Variants in DLG5 observed in about 807,000 individuals in gnomAD.
The protein encoded by DLG5 is disks large homolog 5.
Under a neutral mutation model 189.8 loss-of-function variants are expected in DLG5, and 48 were observed. That is an observed-to-expected ratio of 0.25 (90% CI 0.20 to 0.32). The LOEUF (loss-of-function observed/expected upper bound fraction) is 0.32, where lower values mean the gene tolerates loss of function less well. DLG5 is among the 10% of genes least tolerant of loss of function. The probability of loss-of-function intolerance (pLI) is 1.00; values close to 1 mark genes in which losing one functional copy is unlikely to be tolerated. For synonymous variants in DLG5, 1,016 were observed against 1,054.1 expected (o/e 0.96, Z 0.70); for missense variants, 2,160 against 2,544.7 (o/e 0.85, Z 3.25).
intron 1 of DLG5, chr10:77,912,182 C>T (rs962513386): frequency 5.9e-5 from 8 of 135,020 alleles, no homozygotes; most frequent in African/African-American, 2.0e-4. Context: ...ACAGCATGGG[C>T]AACAGGGTAA....
At chr10:77,868,584 G>C in intron 2 of DLG5, 3 of 239,676 alleles carry the variant, frequency 1.3e-5, no homozygotes, top group Non-Finnish European at 2.5e-5. Context: ...ATCATGGTCA[G>C]ATCAGGCCAT....
At chr10:77,854,552 T>C (rs888164790) in intron 3 of DLG5, among the ~76,000 whole-genome samples, 182 bp from the exon 4 acceptor site, 2 of 152,114 alleles carry the variant, frequency 1.3e-5, no homozygotes. Flanking sequence ...AGAATCAGAA[T>C]CCCTAGGATG....
At chr10:77,801,457 G>A (rs1221560730) in intron 27 of DLG5, among the ~76,000 whole-genome samples, 1 of 152,172 alleles carries the variant, frequency 6.6e-6, no homozygotes, top group African/African-American at 2.4e-5. Context: ...CAGAAGACAG[G>A]AGACAGACAG....
chr10:77,808,108 C>T, intron 24 of DLG5, 164 bp from the exon 25 acceptor site: 1 of 866,432 alleles, frequency 1.2e-6, no homozygotes, highest in African/African-American at 1.7e-5. Flanking sequence ...TCATGGTCTC[C>T]CCAGTCTCCA....
At position 77,796,665 on chromosome 10, in the gene DLG5, C is replaced by T; in HGVS notation, c.5165-71G>A. ...AGGACCTGAGTGGGGCTGGGGAACC[C>T]CGCTCCCTGACCTCGCCCACTCTGG... is the stretch of plus-strand genomic sequence containing the variant. On this transcript the variant is annotated intron_variant, in intron 27 of 31. Coordinates refer to ENST00000372391, the MANE Select transcript of DLG5 (RefSeq NM_004747.4). This position sits in a 1 kb window ranked among gnomAD's most constrained non-coding sequence, Gnocchi z 5.2. The T allele has an allele frequency of 6.3e-7, 1 of 1,591,214 alleles. No homozygotes were observed. Among genetic ancestry groups the T allele is most frequent in the Non-Finnish European group, 8.6e-7 (1 of 1,164,632 alleles).
intron 27 of DLG5, among the ~76,000 whole-genome samples, chr10:77,801,715 G>A (rs1015280310): frequency 1.3e-5 from 2 of 152,234 alleles, no homozygotes; most frequent in Non-Finnish European, 2.9e-5. Context: ...TCATGGTGGT[G>A]GACGGGTGGT....
At chr10:77,876,066 T>G (rs913012113) in intron 1 of DLG5, among the ~76,000 whole-genome samples, 15 of 152,062 alleles carry the variant, frequency 9.9e-5, no homozygotes, top group Non-Finnish European at 1.9e-4. Context: ...GGTGGGAAAA[T>G]CCTACTCTTG....
Position 77,792,232 on chromosome 10 carries a change from T to C in DLG5, c.*208A>G. Reference sequence around the variant, plus strand: ...TCTGTTTTGTGTTAAAGCACACGTGTGACACGGGCAGAGTGTGTGGGCCTG... The same window carrying C: ...TCTGTTTTGTGTTAAAGCACACGTGCGACACGGGCAGAGTGTGTGGGCCTG... On this transcript the variant is annotated 3_prime_UTR_variant, in exon 32 of 32. Transcript: ENST00000372391. 1.7e-6 allele frequency: 1 copy of C among 599,948 alleles called. No homozygotes were observed. The highest frequency in any genetic ancestry group is 3.0e-6 in the Non-Finnish European group (1 of 337,504). 37.2% of individuals were successfully genotyped at this position (599,948 alleles called of 1,614,324 possible).
chr10:77,903,718 C>G (rs1366276927), intron 1 of DLG5, among the ~76,000 whole-genome samples: 1 of 151,966 alleles, frequency 6.6e-6, no homozygotes, highest in East Asian at 1.9e-4. Context: ...GACTTCGGTC[C>G]CATCCCCAGG....
chr10:77,805,811 T>A lies in DLG5; in HGVS notation c.5018A>T (p.Asp1673Val). 6.2e-7 allele frequency: 1 copy of A among 1,614,134 alleles called. No individual in the cohort carries two copies. Among genetic ancestry groups the A allele is most frequent in the Non-Finnish European group, 8.5e-7 (1 of 1,179,996 alleles). Residue 1673 changes from aspartate to valine, a missense_variant, in exon 27 of 32, where the codon GAC becomes GTC. Asp to Val is a radical substitution (Grantham distance 152). Around this residue, in one of 5 missense-constraint regions of DLG5, gnomAD observed 574 missense variants for 644.2 expected, o/e 0.89. Coordinates refer to ENST00000372391, the MANE Select transcript of DLG5 (RefSeq NM_004747.4). ...RRLSMSEVKD[D>V]NSATKTLSAA... ...TGACAGCGTCTTTGTGGCGCTATTG[T>A]CATCTTTGACTTCAGACATGCTGAG...
At chr10:77,852,054 G>C (rs1047903956) in intron 5 of DLG5, among the ~76,000 whole-genome samples, 1 of 152,144 alleles carries the variant, frequency 6.6e-6, no homozygotes, top group Non-Finnish European at 1.5e-5. Flanking sequence ...ACACATGGGG[G>C]ATTGACCAAG....
intron 20 of DLG5, among the ~76,000 whole-genome samples, chr10:77,815,178 G>A (rs929935685): frequency 6.6e-6 from 1 of 152,222 alleles, no homozygotes; most frequent in Non-Finnish European, 1.5e-5. Context: ...TGTGGCCAGG[G>A]CCGGGGCTGA....
At chr10:77,918,879 G>C (rs1846450007) in intron 1 of DLG5, among the ~76,000 whole-genome samples, 1 of 152,044 alleles carries the variant, frequency 6.6e-6, no homozygotes, top group African/African-American at 2.4e-5. Flanking sequence ...CCCCTCGCAT[G>C]GGGCAGAACA....
intron 5 of DLG5, chr10:77,846,739 C>A (rs774785733): frequency 6.6e-6 from 3 of 456,194 alleles, no homozygotes; most frequent in South Asian, 4.6e-5. Context: ...CTAAACATCC[C>A]CTAAGCCAAG....
intron 1 of DLG5, among the ~76,000 whole-genome samples, chr10:77,901,542 A>G (rs1554831057): frequency 6.6e-6 from 1 of 152,226 alleles, no homozygotes; most frequent in Non-Finnish European, 1.5e-5. Context: ...GCTGCATCGC[A>G]TCAGAAAGGC....
upstream of DLG5, chr10:77,928,307 T>A (rs1328671595): frequency 6.6e-6 from 1 of 152,176 alleles, no homozygotes; most frequent in Non-Finnish European, 1.5e-5. Context: ...TTGTGAACAT[T>A]TATATATTTT....
chr10:77,877,511 C>T (rs1452343217), intron 1 of DLG5, among the ~76,000 whole-genome samples: 1 of 152,154 alleles, frequency 6.6e-6, no homozygotes. Flanking sequence ...GAAAGCCACC[C>T]TCTTTGTTCT....
At chr10:77,887,830 GGACA>G (rs1192936508) in intron 1 of DLG5, among the ~76,000 whole-genome samples, 1 of 152,148 alleles carries the variant, frequency 6.6e-6, no homozygotes, top group Non-Finnish European at 1.5e-5. Flanking sequence ...AGACCTTGAG[GGACA>G]GACAAACAGG....
At chr10:77,830,509 C>A (rs1842847633) in intron 10 of DLG5, among the ~76,000 whole-genome samples, 165 bp from the exon 11 acceptor site, 1 of 152,216 alleles carries the variant, frequency 6.6e-6, no homozygotes, top group African/African-American at 2.4e-5. Flanking sequence ...CTGCAACCTG[C>A]CCCTTCTGGC....
Sources: allele counts gnomAD v4.1 joint callset (sites outside exome capture counted in the v4.1 genomes callset), GRCh38; gene constraint gnomAD v4.1.1; regional missense constraint gnomAD v4.1.1; non-coding constraint Gnocchi (gnomAD v3.1); transcripts MANE v1.5; gene names NCBI Gene and HGNC (gene_info 2026-07-23, HGNC 2026-07-21).